Variants in FOCAD observed in about 807,000 individuals in gnomAD.
FOCAD encodes the protein focadhesin.
Under a neutral mutation model 225.6 loss-of-function variants are expected in FOCAD, and 198 were observed. The observed-to-expected ratio is 0.88, with a 90% CI of 0.78 to 0.99. The LOEUF is 0.99. Ranked by LOEUF, FOCAD falls within the 50% of genes least tolerant of loss-of-function variation. FOCAD has a pLI of 0.00. For missense variants in FOCAD, 2,713 were observed against 2,123.6 expected, an observed-to-expected ratio of 1.28 and a Z score of -5.46; for synonymous variants, 897 against 755.0, an observed-to-expected ratio of 1.19 and a Z score of -3.08.
rs190354710 is a variant in FOCAD, at chr9:20,672,742, C to T, written c.-78+13916C>T. On this transcript the variant is annotated intron_variant, in intron 2 of 45. Transcript: ENST00000380249. ...TTAGGATTACAGGCGTGAGCCACTG[C>T]GCCCGGCCAAAAATAAATTATTTTT... 3.8e-3 allele frequency among the ~76,000 whole-genome samples: 585 copies of T among 152,296 alleles called. 4 individuals carry two copies. Among genetic ancestry groups the T allele is most frequent in the Non-Finnish European group, 6.1e-3 (418 of 68,022 alleles).
chr9:20,670,989 AC>A (rs1040896746), intron 2 of FOCAD, among the ~76,000 whole-genome samples: 20 of 152,332 alleles, frequency 1.3e-4, no homozygotes, highest in Middle Eastern at 3.4e-3. Flanking sequence ...GCTAGTAAAT[AC>A]TAACTGTATA....
At chr9:20,749,863 C>T (rs548296193) in intron 5 of FOCAD, among the ~76,000 whole-genome samples, 5 of 152,112 alleles carry the variant, frequency 3.3e-5, no homozygotes, top group African/African-American at 9.6e-5. Flanking sequence ...TTTTAACCCC[C>T]TCATTTCTAT....
chr9:20,797,188 G>T (rs1821213094), intron 11 of FOCAD, among the ~76,000 whole-genome samples: 1 of 152,020 alleles, frequency 6.6e-6, no homozygotes, highest in Non-Finnish European at 1.5e-5. Context: ...CTCTGTTTTG[G>T]TACCAGTACC....
At chr9:20,955,211 A>T (rs1838024831) in intron 35 of FOCAD, among the ~76,000 whole-genome samples, 3 of 152,130 alleles carry the variant, frequency 2.0e-5, no homozygotes, top group African/African-American at 7.2e-5. Flanking sequence ...GCTACTTTTA[A>T]CTTCAGCAAC....
At chr9:20,976,377 A>G (rs749468841) in intron 35 of FOCAD, 43 bp from the exon 36 acceptor site, 1 of 1,593,548 alleles carries the variant, frequency 6.3e-7, no homozygotes, top group South Asian at 1.1e-5. Context: ...CTTCCATGAT[A>G]GTATGCAGGT....
At position 20,874,823 on chromosome 9, in the gene FOCAD, T is replaced by C. The variant is rs1328251929; in HGVS notation, c.2317+16T>C. 17 of 1,613,260 alleles carry C rather than the reference T, an allele frequency of 1.1e-5. No homozygotes were observed. Among genetic ancestry groups the C allele is most frequent in the Non-Finnish European group, 1.4e-5 (16 of 1,179,544 alleles). ...GTTTTACCAGGTGACTCCTATTTGG[T>C]AGTAGAGAAGCTAGCATTTTTTAGT... On this transcript the variant is annotated intron_variant, in intron 19 of 43. Transcript: ENST00000338382.
At chr9:20,972,722 C>G (rs1012685352) in intron 35 of FOCAD, among the ~76,000 whole-genome samples, 11 of 152,046 alleles carry the variant, frequency 7.2e-5, no homozygotes, top group Non-Finnish European at 1.5e-4. Context: ...AATTCTGTTT[C>G]TTTTTCTGCT....
chr9:20,860,979 ATGT>A (rs1218058206), intron 15 of FOCAD, among the ~76,000 whole-genome samples: 7 of 151,974 alleles, frequency 4.6e-5, no homozygotes, highest in Non-Finnish European at 8.8e-5. Flanking sequence ...TACCTATAAC[ATGT>A]TGTTTTTTGT....
At chr9:20,798,917 C>T (rs899539259) in intron 11 of FOCAD, among the ~76,000 whole-genome samples, 1 of 152,054 alleles carries the variant, frequency 6.6e-6, no homozygotes, top group Non-Finnish European at 1.5e-5. Flanking sequence ...TCTTGCTTCT[C>T]TAGTTCTTTT....
At chr9:20,692,039 G>C (rs1408413585) in intron 1 of FOCAD, among the ~76,000 whole-genome samples, 1 of 152,070 alleles carries the variant, frequency 6.6e-6, no homozygotes, top group East Asian at 1.9e-4. Context: ...TGTGAGCCAC[G>C]GCACCTGGCC....
chr9:20,947,751 T>C (rs571100453), intron 30 of FOCAD, among the ~76,000 whole-genome samples: 36 of 152,304 alleles, frequency 2.4e-4, no homozygotes, highest in African/African-American at 8.7e-4. Flanking sequence ...TTCTCCACTG[T>C]CTTAATATTG....
At chr9:20,903,556 G>A (rs1832720006) in intron 21 of FOCAD, among the ~76,000 whole-genome samples, 1 of 151,832 alleles carries the variant, frequency 6.6e-6, no homozygotes, top group Non-Finnish European at 1.5e-5. Flanking sequence ...AGCAAGTCCT[G>A]AACAGTGCCC....
At chr9:20,668,317 G>A (rs1314657337) in intron 2 of FOCAD, among the ~76,000 whole-genome samples, 3 of 152,122 alleles carry the variant, frequency 2.0e-5, no homozygotes, top group Non-Finnish European at 4.4e-5. Flanking sequence ...GAGAAGCAAA[G>A]TGAAGGACAT....
chr9:20,926,467 A>G, intron 26 of FOCAD, 50 bp downstream of exon 26: 1 of 1,174,894 alleles, frequency 8.5e-7, no homozygotes, highest in East Asian at 2.3e-5. Flanking sequence ...ATTGACTCTT[A>G]TGACATCAGT....
intron 15 of FOCAD, among the ~76,000 whole-genome samples, chr9:20,850,017 C>T (rs939789114): frequency 6.6e-6 from 1 of 151,612 alleles, no homozygotes; most frequent in Admixed American, 6.6e-5. Context: ...ATTTTTTAAA[C>T]CTTTTATGTT....
chr9:20,669,804 A>G (rs1005044652), intron 2 of FOCAD, among the ~76,000 whole-genome samples: 5 of 152,012 alleles, frequency 3.3e-5, no homozygotes, highest in African/African-American at 9.7e-5. Context: ...AAGATAATAC[A>G]GGGCGCCCAT....
intron 37 of FOCAD, among the ~76,000 whole-genome samples, chr9:20,979,893 G>T (rs1183185929): frequency 3.3e-5 from 5 of 152,208 alleles, no homozygotes; most frequent in African/African-American, 1.2e-4. Flanking sequence ...GCTTTGTTGA[G>T]TTATAATCTA....
At chr9:20,986,533 C>G in intron 40 of FOCAD, 68 bp downstream of exon 40, 2 of 1,380,460 alleles carry the variant, frequency 1.4e-6, no homozygotes, top group Non-Finnish European at 1.9e-6. Context: ...TTAAGTTGCA[C>G]TTGAGTTCTC....
chr9:20,929,290 C>T (rs757002927), intron 26 of FOCAD, 68 bp from the exon 27 acceptor site: 137 of 1,247,840 alleles, frequency 1.1e-4, no homozygotes, highest in Non-Finnish European at 1.5e-4. Flanking sequence ...TTGTATAGTG[C>T]TTTTATGATA....
Sources: gnomAD v4.1 joint callset for allele counts (sites outside exome capture counted in the v4.1 genomes callset) on GRCh38, gnomAD v4.1.1 for gene constraint, MANE v1.5 for transcripts, NCBI Gene and HGNC (gene_info 2026-07-23, HGNC 2026-07-21) for gene names.